The following UXS1 variants were observed in gnomAD, a reference collection of about 807,000 sequenced individuals.
The protein encoded by UXS1 is UDP-glucuronic acid decarboxylase 1.
In UXS1, 33 loss-of-function variants were observed where a neutral mutation model predicts 62.6. The ratio of observed to expected loss-of-function variants is 0.53; its 90% CI spans 0.40 to 0.70. The LOEUF (loss-of-function observed/expected upper bound fraction) is 0.70. Among genes scored for constraint, UXS1 ranks in the 30% least tolerant of loss-of-function variants. UXS1 has a pLI of 0.00. For synonymous variants in UXS1, 213 were observed against 206.8 expected (o/e 1.03, Z -0.26); for missense variants, 434 against 556.3 (o/e 0.78, Z 2.21).
chr2:106,157,626 C>T (rs1682543669), intron 5 of UXS1, among the ~76,000 whole-genome samples: 1 of 152,174 alleles, frequency 6.6e-6, no homozygotes, highest in Admixed American at 6.5e-5. Flanking sequence ...TCCAAATACC[C>T]ATCAATTGAG....
intron 10 of UXS1, among the ~76,000 whole-genome samples, chr2:106,107,061 G>A (rs1299807792): frequency 1.3e-5 from 2 of 151,990 alleles, no homozygotes; most frequent in Admixed American, 6.6e-5. Context: ...AGTGAGTATC[G>A]GATTTAGGCA....
chr2:106,107,167 C>T (rs185417554), intron 10 of UXS1, among the ~76,000 whole-genome samples: 98 of 152,298 alleles, frequency 6.4e-4, no homozygotes, highest in South Asian at 2.9e-3. Context: ...GCTCTCAAAG[C>T]TGAGCGCACA....
In UXS1 at chr2:106,181,994, G is replaced by A. The variant is rs1472570870; in HGVS notation, c.94+12154C>T. ...TTTAAAAGATGGATTATGACTTCAGGGCTCATTTTATTGCTTACTGTTAAG... is the reference window on the plus strand; with the variant it reads ...TTTAAAAGATGGATTATGACTTCAGAGCTCATTTTATTGCTTACTGTTAAG... On this transcript the variant is annotated intron_variant, in intron 1 of 14. Coordinates refer to ENST00000283148, the MANE Select transcript of UXS1 (RefSeq NM_001253875.2). Among the ~76,000 whole-genome samples the A allele has an allele frequency of 2.0e-5, 3 of 152,070 alleles. No individual in the cohort carries two copies. In the East Asian group the frequency reaches 5.8e-4, roughly 29 times the overall value.
intron 1 of UXS1, among the ~76,000 whole-genome samples, chr2:106,182,972 G>T (rs1207231727): frequency 6.6e-6 from 1 of 151,944 alleles, no homozygotes; most frequent in East Asian, 1.9e-4. Context: ...AGGGAGCAGG[G>T]AATCAGAATT....
At chr2:106,112,474 T>C (rs1311946005) in intron 10 of UXS1, among the ~76,000 whole-genome samples, 172 bp downstream of exon 10, 1 of 152,214 alleles carries the variant, frequency 6.6e-6, no homozygotes, top group South Asian at 2.1e-4. Flanking sequence ...GGAGCAGCCA[T>C]GCATCTGGGT....
chr2:106,093,953 G>A lies in UXS1; in HGVS notation c.*73C>T, dbSNP rs1474285214. The A allele has an allele frequency of 8.9e-6, 13 of 1,461,736 alleles. No homozygotes were observed. The highest frequency in any genetic ancestry group is 2.8e-5 in the Admixed American group (1 of 36,138). The allele number at this position is 1,461,736 out of a possible 1,614,324, so 90.5% of individuals were successfully genotyped here. A position where few individuals can be genotyped will look rare whatever the true frequency, so the allele number is the denominator to read the frequency against. On this transcript the variant is annotated 3_prime_UTR_variant, in exon 15 of 15. Coordinates refer to ENST00000283148, the MANE Select transcript of UXS1 (RefSeq NM_001253875.2). ...CACCTGTTAAAGTCTTTCTTTAAACGACAACAAAAAAAAGCCAAAAATACA... is the reference window on the plus strand; with the variant it reads ...CACCTGTTAAAGTCTTTCTTTAAACAACAACAAAAAAAAGCCAAAAATACA...
At chr2:106,119,913 C>T (rs1679386947) in intron 9 of UXS1, among the ~76,000 whole-genome samples, 1 of 152,132 alleles carries the variant, frequency 6.6e-6, no homozygotes. Flanking sequence ...TGGGATTATG[C>T]ATAGCAATTT....
chr2:106,118,978 C>T (rs1489306111), intron 9 of UXS1, among the ~76,000 whole-genome samples: 1 of 152,154 alleles, frequency 6.6e-6, no homozygotes, highest in African/African-American at 2.4e-5. Context: ...ACGTACTATT[C>T]CACCTGGTTC....
chr2:106,160,231 C>T (rs1682785541), intron 4 of UXS1: 1 of 152,262 alleles, frequency 6.6e-6, no homozygotes, highest in Admixed American at 6.5e-5. Context: ...TTTGTGTGCA[C>T]CTCTCACACC....
chr2:106,178,557 G>GGT (rs1200305159), intron 1 of UXS1, among the ~76,000 whole-genome samples: 2 of 150,432 alleles, frequency 1.3e-5, no homozygotes, highest in African/African-American at 4.9e-5. Context: ...TATACAAGTG[G>GGT]GTGTGTGTGT....
At chr2:106,191,569 C>G (rs1684938051) in intron 1 of UXS1, among the ~76,000 whole-genome samples, 2 of 152,232 alleles carry the variant, frequency 1.3e-5, no homozygotes, top group South Asian at 4.1e-4. Flanking sequence ...TGGGCTGCAC[C>G]CCAGGCCTGC....
chr2:106,172,173 G>A (rs1484964487), intron 1 of UXS1, among the ~76,000 whole-genome samples: 1 of 152,250 alleles, frequency 6.6e-6, no homozygotes, highest in Non-Finnish European at 1.5e-5. Context: ...AGGACCCCCT[G>A]AGAGGGCGTG....
At chr2:106,116,294 C>T (rs1356270377) in intron 9 of UXS1, among the ~76,000 whole-genome samples, 1 of 152,218 alleles carries the variant, frequency 6.6e-6, no homozygotes, top group Non-Finnish European at 1.5e-5. Context: ...ATCCAGCCAA[C>T]ACGGTCCAGA....
intron 9 of UXS1, among the ~76,000 whole-genome samples, chr2:106,118,406 G>T (rs1347370651): frequency 6.6e-6 from 1 of 150,846 alleles, no homozygotes; most frequent in Non-Finnish European, 1.5e-5. Flanking sequence ...TTGTTTTGCA[G>T]ATCCAGCCCA....
intron 9 of UXS1, among the ~76,000 whole-genome samples, chr2:106,120,804 T>G (rs576200859): frequency 6.6e-6 from 1 of 152,316 alleles, no homozygotes; most frequent in South Asian, 2.1e-4. Flanking sequence ...TGTTAGGGAC[T>G]CCAGGGTGGA....
At chr2:106,110,140 A>G (rs1678461874) in intron 10 of UXS1, among the ~76,000 whole-genome samples, 1 of 152,182 alleles carries the variant, frequency 6.6e-6, no homozygotes, top group African/African-American at 2.4e-5. Context: ...TCTGTGTGAC[A>G]AAGGAAACAA....
chr2:106,190,535 C>A (rs1223937876), intron 1 of UXS1, among the ~76,000 whole-genome samples: 1 of 152,062 alleles, frequency 6.6e-6, no homozygotes, highest in Non-Finnish European at 1.5e-5. Flanking sequence ...CACCTGAGGT[C>A]AGGAGTTTGA....
intron 4 of UXS1, among the ~76,000 whole-genome samples, chr2:106,161,006 G>A (rs1485665941): frequency 1.3e-5 from 2 of 152,062 alleles, no homozygotes; most frequent in Non-Finnish European, 2.9e-5. Flanking sequence ...GTGCCTGTGG[G>A]GTCCTCCTCA....
intron 6 of UXS1, among the ~76,000 whole-genome samples, chr2:106,130,989 A>T (rs1202414276): frequency 6.6e-6 from 1 of 151,758 alleles, no homozygotes; most frequent in Non-Finnish European, 1.5e-5. Context: ...TTTCCATCTG[A>T]GGTTCCGGGT....
Sources: allele counts gnomAD v4.1 joint callset (sites outside exome capture counted in the v4.1 genomes callset), GRCh38; gene constraint gnomAD v4.1.1; transcripts MANE v1.5; gene names NCBI Gene and HGNC (gene_info 2026-07-23, HGNC 2026-07-21).